The following PLD5 variants were observed in gnomAD, a reference collection of about 807,000 sequenced individuals.
PLD5 encodes the protein inactive phospholipase D5.
Under a neutral mutation model 61.1 loss-of-function variants are expected in PLD5, and 36 were observed. That is an observed-to-expected ratio of 0.59 (90% confidence interval 0.45 to 0.78). The LOEUF (loss-of-function observed/expected upper bound fraction) is 0.78, where lower values mean the gene tolerates loss of function less well. PLD5 is among the 30% of genes least tolerant of loss of function. The pLI is 0.00. For missense variants in PLD5, 515 were observed against 644.4 expected (o/e 0.80, Z 2.17); for synonymous variants, 243 against 242.8 (o/e 1.00, Z -0.01).
rs758663255 is a variant in PLD5, at chr1:242,124,589, C to G, written c.812G>C (p.Ser271Thr). The change falls in exon 6 of 10, where the codon AGT becomes ACT. Residue 271 changes from serine to threonine, a missense_variant. Physicochemically the swap from Ser to Thr is moderately conservative, Grantham distance 58 (BLOSUM62 1). Around this residue, in one of 2 missense-constraint regions of PLD5, gnomAD observed 450 missense variants for 598.1 expected, o/e 0.75. Coordinates refer to ENST00000536534, the MANE Select transcript of PLD5 (RefSeq NM_001372062.1). ...LDLQRIFALY[S>T]SLKFKSRVPQ... ...CACTCTGCTTTTGAATTTTAATGAA[C>G]TATATAGAGCAAATATCCTTTGTAA... 6.2e-7 allele frequency: 1 copy of G among 1,613,886 alleles called. No individual in the cohort carries two copies. Among genetic ancestry groups the G allele is most frequent in the Admixed American group, 1.7e-5 (1 of 60,014 alleles).
chr1:242,237,165 C>A (rs972743021), intron 4 of PLD5, among the ~76,000 whole-genome samples: 58 of 151,902 alleles, frequency 3.8e-4, no homozygotes, highest in Middle Eastern at 6.8e-3. Flanking sequence ...AAGGAAAAAA[C>A]AAACAGCTTT....
intron 1 of PLD5, among the ~76,000 whole-genome samples, chr1:242,395,427 A>T (rs569473466): frequency 6.6e-6 from 1 of 152,264 alleles, no homozygotes; most frequent in South Asian, 2.1e-4. Context: ...ATTTAACTTC[A>T]TCATAATGAA....
At chr1:242,170,205 G>T (rs1666645643) in intron 5 of PLD5, among the ~76,000 whole-genome samples, 1 of 152,196 alleles carries the variant, frequency 6.6e-6, no homozygotes, top group South Asian at 2.1e-4. Context: ...TCTGGCATGT[G>T]CCCCTCTGGG....
chr1:242,257,733 AAT>A (rs1345869813), intron 4 of PLD5, among the ~76,000 whole-genome samples: 5 of 152,294 alleles, frequency 3.3e-5, no homozygotes, highest in Admixed American at 6.5e-5. Context: ...GCACATGATA[AAT>A]ATATGTGACT....
At chr1:242,149,664 TACACATAC>T (rs1322002157) in intron 5 of PLD5, among the ~76,000 whole-genome samples, 1 of 137,878 alleles carries the variant, frequency 7.3e-6, no homozygotes, top group African/African-American at 3.0e-5. Context: ...TTAAGTTTTA[TACACATAC>T]ACACACACAC....
intron 5 of PLD5, among the ~76,000 whole-genome samples, chr1:242,199,770 GTCTA>G (rs1179958139): frequency 6.6e-6 from 1 of 152,148 alleles, no homozygotes; most frequent in Non-Finnish European, 1.5e-5. Context: ...TGCGGTGTTT[GTCTA>G]TCTGTGTCTG....
intron 1 of PLD5, among the ~76,000 whole-genome samples, chr1:242,470,198 C>A (rs1023430610): frequency 6.6e-6 from 1 of 151,926 alleles, no homozygotes; most frequent in African/African-American, 2.4e-5. Flanking sequence ...AAAAAATTAG[C>A]CGGGCGTGGT....
At chr1:242,275,447 A>G (rs1254434956) in intron 3 of PLD5, among the ~76,000 whole-genome samples, 3 of 152,196 alleles carry the variant, frequency 2.0e-5, no homozygotes, top group Non-Finnish European at 4.4e-5. Flanking sequence ...AGATATAAGT[A>G]TGAAGGTTAT....
intron 5 of PLD5, among the ~76,000 whole-genome samples, chr1:242,129,013 G>C (rs998030985): frequency 2.6e-5 from 4 of 152,150 alleles, no homozygotes; most frequent in African/African-American, 9.7e-5. Flanking sequence ...TGTCCCTTTA[G>C]GCAGGATCAG....
chr1:242,198,891 C>T (rs547784519), intron 5 of PLD5, among the ~76,000 whole-genome samples: 13 of 152,094 alleles, frequency 8.5e-5, no homozygotes, highest in African/African-American at 2.7e-4. Flanking sequence ...TGTGCCACCA[C>T]GCCCAGCTAA....
chr1:242,524,242 G>T lies in PLD5; in HGVS notation c.35C>A (p.Ser12Tyr). The T allele has an allele frequency of 6.6e-7, 1 of 1,508,052 alleles. No individual in the cohort carries two copies. The highest frequency in any genetic ancestry group is 1.4e-5 in the African/African-American group (1 of 70,406). 93.4% of individuals were successfully genotyped at this position (1,508,052 alleles called of 1,614,324 possible). Reference sequence around the variant, plus strand: ...CATCTGCTCGAAGCCCTCATGGGGGGAGGCCGAGAGCCACTCGTGCTGCCG... The same window carrying T: ...CATCTGCTCGAAGCCCTCATGGGGGTAGGCCGAGAGCCACTCGTGCTGCCG... ...EIRQHEWLSA[S>Y]PHEGFEQMRL... Residue 12 changes from serine to tyrosine, a missense_variant, in exon 1 of 10, where the codon TCC (serine) becomes TAC (tyrosine). By Grantham distance (144) the Ser-to-Tyr change is moderately radical. Around this residue, in one of 2 missense-constraint regions of PLD5, gnomAD observed 65 missense variants for 46.3 expected, o/e 1.40. Transcript: ENST00000536534.
At chr1:242,412,581 C>A (rs906713279) in intron 1 of PLD5, among the ~76,000 whole-genome samples, 2 of 152,114 alleles carry the variant, frequency 1.3e-5, no homozygotes, top group Non-Finnish European at 2.9e-5. Flanking sequence ...AGTACGTAAC[C>A]TTTGGGGATT....
chr1:242,084,566 T>C lies in PLD5; in HGVS notation c.*5288A>G, dbSNP rs1659371209. 1.3e-5 allele frequency: 2 copies of C among 152,074 alleles called. No individual in the cohort carries two copies. Among genetic ancestry groups the C allele is most frequent in the Admixed American group, 1.3e-4 (2 of 15,260 alleles). 9.4% of individuals were successfully genotyped at this position (152,074 alleles called of 1,614,324 possible). A position where few individuals can be genotyped will look rare whatever the true frequency, so the allele number is the denominator to read the frequency against. On this transcript the variant is annotated 3_prime_UTR_variant, in exon 10 of 10. Transcript: ENST00000536534. ...CGTCCTGACACTCTAGGCTGTCAAC[T>C]TCTATGCCCAAATGGGAAGGGAATT... is the stretch of plus-strand genomic sequence containing the variant.
At chr1:242,099,697 T>A (rs1364414332) in intron 9 of PLD5, among the ~76,000 whole-genome samples, 2 of 152,168 alleles carry the variant, frequency 1.3e-5, no homozygotes, top group African/African-American at 4.8e-5. Flanking sequence ...TCCCTATTGG[T>A]GATGTTGCGA....
At chr1:242,159,956 C>T (rs1265672832) in intron 5 of PLD5, among the ~76,000 whole-genome samples, 4 of 152,066 alleles carry the variant, frequency 2.6e-5, no homozygotes, top group Non-Finnish European at 4.4e-5. Context: ...TTTTGGTAGA[C>T]AACACTTGCT....
intron 1 of PLD5, among the ~76,000 whole-genome samples, chr1:242,460,961 G>A (rs533688854): frequency 1.3e-5 from 2 of 152,048 alleles, no homozygotes; most frequent in East Asian, 1.9e-4. Context: ...GCAAGGTGGT[G>A]AAACCCCATC....
chr1:242,323,846 T>C (rs1019191686), intron 2 of PLD5, among the ~76,000 whole-genome samples: 227 of 152,266 alleles, frequency 1.5e-3, no homozygotes, highest in Non-Finnish European at 2.7e-3. Context: ...GTTTCCCAGA[T>C]GGTCAGAAGA....
chr1:242,267,888 T>TA (rs552931193), intron 3 of PLD5, among the ~76,000 whole-genome samples: 18,242 of 109,546 alleles, frequency 0.17, 2,363 homozygotes, highest in East Asian at 0.6. Context: ...CTCCAAAAAT[T>TA]AAAAAAAAAA....
At chr1:242,191,126 G>GT (rs34902467) in intron 5 of PLD5, among the ~76,000 whole-genome samples, 4,966 of 132,986 alleles carry the variant, frequency 0.037, 211 homozygotes, top group African/African-American at 0.11. Flanking sequence ...AAACTATGGA[G>GT]TTTTTTTTTT....
Sources: allele counts gnomAD v4.1 joint callset (sites outside exome capture counted in the v4.1 genomes callset), GRCh38; gene constraint gnomAD v4.1.1; regional missense constraint gnomAD v4.1.1; transcripts MANE v1.5; gene names NCBI Gene and HGNC (gene_info 2026-07-23, HGNC 2026-07-21).